ACTR3C: variants seen among roughly 807,000 people sequenced by gnomAD.
The protein encoded by ACTR3C is actin-related protein 3C.
In ACTR3C, 18 loss-of-function variants were observed where a neutral mutation model predicts 26.3. That is an observed-to-expected ratio of 0.68 (90% confidence interval 0.47 to 1.01). The LOEUF (loss-of-function observed/expected upper bound fraction) is 1.01. Among genes scored for constraint, ACTR3C ranks in the 50% least tolerant of loss-of-function variants. The pLI is 0.00. For synonymous variants in ACTR3C, 55 were observed against 94.5 expected, an observed-to-expected ratio of 0.58 and a Z score of 2.42; for missense variants, 184 against 250.7, an observed-to-expected ratio of 0.73 and a Z score of 1.80.
the ACTR3C span, among the ~76,000 whole-genome samples, chr7:149,904,279 C>A: frequency 3.3e-5 from 5 of 150,032 alleles, no homozygotes; most frequent in African/African-American, 1.2e-4. Context: ...CTCCTGTAAT[C>A]CCAGCACGCT....
intron 1 of ACTR3C, among the ~76,000 whole-genome samples, chr7:150,297,133 C>T (rs183633545): frequency 6.8e-6 from 1 of 148,124 alleles, no homozygotes; most frequent in East Asian, 1.9e-4. Context: ...CTACATTTAA[C>T]ACTAGGACAC....
the ACTR3C span, among the ~76,000 whole-genome samples, chr7:150,070,789 TTTTTC>T: frequency 6.7e-6 from 1 of 148,840 alleles, no homozygotes; most frequent in South Asian, 2.1e-4. Context: ...ATTTTTTTCT[TTTTTC>T]TTTTCTTTTT....
intron 1 of ACTR3C, among the ~76,000 whole-genome samples, chr7:150,310,376 A>G (rs143826396): frequency 1.2e-4 from 18 of 152,138 alleles, no homozygotes; most frequent in African/African-American, 3.6e-4. Flanking sequence ...GATGAAGCCT[A>G]TTATCACTTG....
At chr7:150,320,592 G>A (rs898544908) in intron 1 of ACTR3C, among the ~76,000 whole-genome samples, 5 of 152,226 alleles carry the variant, frequency 3.3e-5, no homozygotes, top group African/African-American at 1.2e-4. Context: ...GCAAAACCCC[G>A]TCTCTACTAA....
chr7:150,020,629 C>G, the ACTR3C span, among the ~76,000 whole-genome samples: 1 of 151,960 alleles, frequency 6.6e-6, no homozygotes, highest in Non-Finnish European at 1.5e-5. Flanking sequence ...TTTCTCCTCT[C>G]AATCTGTGAT....
At chr7:150,007,354 T>C in the ACTR3C span, among the ~76,000 whole-genome samples, 2 of 152,234 alleles carry the variant, frequency 1.3e-5, no homozygotes. Context: ...CTGGTCTCAC[T>C]TGAATTCCTC....
chr7:149,882,014 G>GA, the ACTR3C span: 1 of 152,600 alleles, frequency 6.6e-6, no homozygotes, highest in Non-Finnish European at 1.5e-5. Flanking sequence ...TGGACCCAGT[G>GA]AAGCTGGACC....
the ACTR3C span, among the ~76,000 whole-genome samples, chr7:150,222,117 A>T: frequency 6.6e-6 from 1 of 152,126 alleles, no homozygotes; most frequent in Non-Finnish European, 1.5e-5. Context: ...TAATGTTCCC[A>T]ACTCCAAGTT....
At chr7:150,091,645 C>G in the ACTR3C span, among the ~76,000 whole-genome samples, 2 of 109,992 alleles carry the variant, frequency 1.8e-5, no homozygotes, top group African/African-American at 6.9e-5. Context: ...AGACTATTTT[C>G]TCTGGGGGGT....
At chr7:150,128,568 T>G in the ACTR3C span, among the ~76,000 whole-genome samples, 7,727 of 151,362 alleles carry the variant, frequency 0.051, 200 homozygotes, top group Middle Eastern at 0.11. Context: ...CCCAGAATGG[T>G]GGTCCCAGCC....
chr7:150,173,555 T>C, the ACTR3C span, among the ~76,000 whole-genome samples: 1,808 of 149,384 alleles, frequency 0.012, 67 homozygotes, highest in African/African-American at 0.044. Flanking sequence ...GGGGCTACCA[T>C]GAAGACCTCT....
At chr7:150,143,023 G>A in the ACTR3C span, among the ~76,000 whole-genome samples, 4 of 151,602 alleles carry the variant, frequency 2.6e-5, no homozygotes, top group Admixed American at 6.6e-5. Flanking sequence ...AGTAGAGACA[G>A]GTTTCACCAT....
chr7:150,090,047 T>C, the ACTR3C span, among the ~76,000 whole-genome samples: 2 of 152,236 alleles, frequency 1.3e-5, no homozygotes, highest in African/African-American at 4.8e-5. Flanking sequence ...TTAGTTGCTA[T>C]CTGCATCAAT....
At position 150,274,738 on chromosome 7, in the gene ACTR3C, A is replaced by G. The variant is rs1370507266; in HGVS notation, c.564+10015T>C. Among the ~76,000 whole-genome samples the G allele has an allele frequency of 1.3e-5, 2 of 152,152 alleles. No homozygotes were observed. Among genetic ancestry groups the G allele is most frequent in the Non-Finnish European group, 2.9e-5 (2 of 68,030 alleles). On this transcript the variant is annotated intron_variant, in intron 6 of 7. Transcript: ENST00000683684. This position sits in a 1 kb window ranked among gnomAD's most constrained non-coding sequence, Gnocchi z 4.1. ...CACGCAGCTTGGCCCTGACGCCTAT[A>G]CTCTTAACCACGACAAACTAAAAAT...
intron 4 of ACTR3C, among the ~76,000 whole-genome samples, chr7:150,288,107 G>A (rs1222629621): frequency 7.0e-6 from 1 of 142,686 alleles, no homozygotes; most frequent in Non-Finnish European, 1.5e-5. Flanking sequence ...GAAGTCAGGT[G>A]AGAACTAACA....
the ACTR3C span, among the ~76,000 whole-genome samples, chr7:150,193,132 C>G: frequency 1.3e-5 from 2 of 152,122 alleles, no homozygotes; most frequent in Non-Finnish European, 1.5e-5. Flanking sequence ...TTCCAGTAAG[C>G]CTTTACTAAA....
the ACTR3C span, chr7:150,002,811 C>T: frequency 6.6e-6 from 1 of 152,222 alleles, no homozygotes; most frequent in Non-Finnish European, 1.5e-5. Context: ...AAACCTCATT[C>T]TTCTATGCCA....
At chr7:150,092,256 G>A in the ACTR3C span, among the ~76,000 whole-genome samples, 1 of 138,288 alleles carries the variant, frequency 7.2e-6, no homozygotes, top group African/African-American at 2.6e-5. Context: ...TAGTCCCTGT[G>A]GTAATACAGC....
At chr7:150,087,182 T>TAAAA in the ACTR3C span, among the ~76,000 whole-genome samples, 8 of 129,398 alleles carry the variant, frequency 6.2e-5, no homozygotes, top group African/African-American at 1.8e-4. Context: ...TGAATTTGTT[T>TAAAA]AAAAAAAAAA....
Sources: allele counts gnomAD v4.1 joint callset (sites outside exome capture counted in the v4.1 genomes callset), GRCh38; gene constraint gnomAD v4.1.1; non-coding constraint Gnocchi (gnomAD v3.1); transcripts MANE v1.5; gene names NCBI Gene and HGNC (gene_info 2026-07-23, HGNC 2026-07-21).